TMTC2: variants seen among roughly 807,000 people sequenced by gnomAD.
The protein encoded by TMTC2 is protein O-mannosyl-transferase TMTC2.
A neutral mutation model predicts 82.4 loss-of-function variants in TMTC2; 43 were observed. That is an observed-to-expected ratio of 0.52 (90% CI 0.41 to 0.67). The LOEUF is 0.67. Ranked by LOEUF, TMTC2 falls within the 30% of genes least tolerant of loss-of-function variation. The pLI is 0.00. For missense variants in TMTC2, 919 were observed against 1,012.4 expected, an observed-to-expected ratio of 0.91 and a Z score of 1.25; for synonymous variants, 408 against 381.9, an observed-to-expected ratio of 1.07 and a Z score of -0.80.
intron 3 of TMTC2, among the ~76,000 whole-genome samples, chr12:82,922,264 T>A (rs1272628007): frequency 6.6e-6 from 1 of 152,224 alleles, no homozygotes; most frequent in East Asian, 1.9e-4. Flanking sequence ...ATGCACATTA[T>A]ATTAAATGTT....
At chr12:82,974,256 A>G (rs956210970) in intron 7 of TMTC2, among the ~76,000 whole-genome samples, 3 of 152,206 alleles carry the variant, frequency 2.0e-5, no homozygotes, top group Non-Finnish European at 4.4e-5. Context: ...TTTAATATAA[A>G]TAAATGAAAA....
Position 82,729,820 on chromosome 12 carries a change from C to G in TMTC2, c.83+42151C>G, listed in dbSNP as rs185020751. On this transcript the variant is annotated intron_variant, in intron 1 of 11. Transcript: ENST00000321196. ...TTGCAATAAATCTTGCTGCTGCTCA[C>G]TCTTTGGGTCCACACTGCCTTTATG... is the stretch of plus-strand genomic sequence containing the variant. Among the ~76,000 whole-genome samples the G allele has an allele frequency of 2.6e-5, 4 of 152,348 alleles. No individual in the cohort carries two copies. In the East Asian group the frequency reaches 7.7e-4, roughly 29 times the overall value.
intron 1 of TMTC2, among the ~76,000 whole-genome samples, chr12:82,718,805 A>ACT (rs1347962624): frequency 7.1e-6 from 1 of 141,804 alleles, no homozygotes; most frequent in Non-Finnish European, 1.6e-5. Flanking sequence ...TTGGTAGTAT[A>ACT]CCATAGGAAA....
At chr12:82,872,016 C>G (rs895976415) in intron 2 of TMTC2, among the ~76,000 whole-genome samples, 8 of 128,576 alleles carry the variant, frequency 6.2e-5, no homozygotes, top group South Asian at 2.7e-4. Flanking sequence ...CCCCCCCCCC[C>G]GCCCACACCC....
At chr12:83,118,418 A>G (rs12296497) in intron 11 of TMTC2, among the ~76,000 whole-genome samples, 5,413 of 152,220 alleles carry the variant, frequency 0.036, 154 homozygotes, top group South Asian at 0.099. Context: ...TTCGGCATCT[A>G]TTAAGATGAT....
At chr12:83,065,646 G>A (rs878870812) in intron 11 of TMTC2, among the ~76,000 whole-genome samples, 1 of 150,974 alleles carries the variant, frequency 6.6e-6, no homozygotes, top group Non-Finnish European at 1.5e-5. Flanking sequence ...TTTTTTTTTG[G>A]TTTTAAATAA....
intron 8 of TMTC2, among the ~76,000 whole-genome samples, chr12:83,002,529 T>C (rs1252354938): frequency 6.6e-6 from 1 of 152,190 alleles, no homozygotes; most frequent in African/African-American, 2.4e-5. Context: ...CTTTGTACCT[T>C]CTTGATATAG....
chr12:82,691,351 A>G (rs1872568953), intron 1 of TMTC2, among the ~76,000 whole-genome samples: 1 of 152,180 alleles, frequency 6.6e-6, no homozygotes, highest in South Asian at 2.1e-4. Context: ...TGGAGAAACA[A>G]CTACACAGCA....
intron 8 of TMTC2, 171 bp downstream of exon 8, chr12:82,986,217 C>A: frequency 1.2e-6 from 1 of 832,438 alleles, no homozygotes; most frequent in Non-Finnish European, 1.8e-6. Flanking sequence ...TGTTACTTTG[C>A]CTATGAGGTT....
intron 11 of TMTC2, among the ~76,000 whole-genome samples, chr12:83,117,383 CT>C (rs1337055606): frequency 6.6e-6 from 1 of 152,190 alleles, no homozygotes; most frequent in African/African-American, 2.4e-5. Context: ...AAAATACTAG[CT>C]AACTGAATCT....
intron 1 of TMTC2, among the ~76,000 whole-genome samples, chr12:82,843,609 A>G (rs761696983): frequency 2.0e-5 from 3 of 152,206 alleles, no homozygotes; most frequent in Non-Finnish European, 4.4e-5. Flanking sequence ...TGTGTAAAAT[A>G]AGCTTCTTGG....
At chr12:82,983,188 C>G (rs1175077455) in intron 7 of TMTC2, among the ~76,000 whole-genome samples, 1 of 151,846 alleles carries the variant, frequency 6.6e-6, no homozygotes, top group Non-Finnish European at 1.5e-5. Context: ...AGTAAACACT[C>G]AATTATTATT....
chr12:82,778,578 A>C lies in TMTC2; in HGVS notation c.84-78432A>C, dbSNP rs12316393. ...AAAATGCAAAAAATCGGCCGGGCGC[A>C]GTGGCTAACGCCTGTAATCCCAGCA... On this transcript the variant is annotated intron_variant, in intron 1 of 11. Transcript: ENST00000321196. 4.2e-3 allele frequency among the ~76,000 whole-genome samples: 636 copies of C among 152,180 alleles called. 5 individuals carry two copies. The highest frequency in any genetic ancestry group is 0.015 in the African/African-American group (603 of 41,560).
intron 1 of TMTC2, among the ~76,000 whole-genome samples, chr12:82,728,467 T>C (rs1373875349): frequency 6.6e-6 from 1 of 152,084 alleles, no homozygotes; most frequent in African/African-American, 2.4e-5. Flanking sequence ...ACTCCTGTAA[T>C]CCCACCACTT....
chr12:82,994,197 C>T (rs1223954727), intron 8 of TMTC2, among the ~76,000 whole-genome samples: 3 of 152,120 alleles, frequency 2.0e-5, no homozygotes, highest in Non-Finnish European at 4.4e-5. Context: ...CGCTGTATCG[C>T]CCCAGGCTGG....
intron 1 of TMTC2, among the ~76,000 whole-genome samples, chr12:82,823,004 T>A (rs2137065585): frequency 6.6e-6 from 1 of 152,310 alleles, no homozygotes; most frequent in East Asian, 1.9e-4. Context: ...TTAAAAAAGC[T>A]TCTTTGAAAA....
intron 8 of TMTC2, among the ~76,000 whole-genome samples, chr12:83,000,541 C>T (rs570929975): frequency 6.6e-6 from 1 of 152,190 alleles, no homozygotes; most frequent in African/African-American, 2.4e-5. Flanking sequence ...GGCAGCTCCA[C>T]CCGTGTGACT....
In TMTC2 at chr12:83,051,858, T is replaced by G. The variant is rs141461933; in HGVS notation, c.2267+840T>G. On this transcript the variant is annotated intron_variant, in intron 10 of 11. Transcript: ENST00000321196. ...AAAATATAAGGCCAGATTATCAGGT[T>G]TTTTTGTGTGTGAATATAAAGAAAG... is the stretch of plus-strand genomic sequence containing the variant. Among the ~76,000 whole-genome samples the G allele has an allele frequency of 1.3e-3, 203 of 152,282 alleles. 1 individual carries two copies. The highest frequency in any genetic ancestry group is 4.5e-3 in the African/African-American group (187 of 41,572).
At chr12:83,005,681 G>T (rs2137376452) in intron 8 of TMTC2, among the ~76,000 whole-genome samples, 1 of 152,338 alleles carries the variant, frequency 6.6e-6, no homozygotes, top group East Asian at 1.9e-4. Context: ...TCGAGCACCA[G>T]CTGTGCTTGG....
Sources: gnomAD v4.1 joint callset for allele counts (sites outside exome capture counted in the v4.1 genomes callset) on GRCh38, gnomAD v4.1.1 for gene constraint, MANE v1.5 for transcripts, NCBI Gene and HGNC (gene_info 2026-07-23, HGNC 2026-07-21) for gene names.